Variants in LRRC9 observed in about 807,000 individuals in gnomAD.
The protein encoded by LRRC9 is leucine-rich repeat-containing protein 9.
A neutral mutation model predicts 63.2 loss-of-function variants in LRRC9; 122 were observed. That is an observed-to-expected ratio of 1.93 (90% CI 1.67 to 2.24). LRRC9 has a LOEUF of 2.24. LRRC9 is among the 30% of genes most tolerant of loss of function. The pLI is 0.00. For missense variants in LRRC9, 1,071 were observed against 627.7 expected (o/e 1.71, Z -7.55); for synonymous variants, 366 against 213.1 (o/e 1.72, Z -6.25).
At chr14:60,047,677 A>T (rs1436878127) in intron 29 of LRRC9, among the ~76,000 whole-genome samples, 2 of 152,122 alleles carry the variant, frequency 1.3e-5, no homozygotes, top group African/African-American at 2.4e-5. Flanking sequence ...AGAGACTTAG[A>T]CTCCCACACA....
At chr14:59,946,346 A>G (rs894007007) in intron 8 of LRRC9, among the ~76,000 whole-genome samples, 1 of 151,290 alleles carries the variant, frequency 6.6e-6, no homozygotes, top group African/African-American at 2.4e-5. Context: ...CATAAAAATC[A>G]CAAGAGATCA....
Position 60,053,250 on chromosome 14 carries a change from T to C in LRRC9, c.4131+45T>C. On this transcript the variant is annotated intron_variant, in intron 30 of 31. Transcript: ENST00000445360. This position sits in a 1 kb window ranked among gnomAD's most constrained non-coding sequence, Gnocchi z 4.8. The stretch of plus-strand genomic sequence containing the variant: ...CAATTTTCCTTTTGAAGCACATTAA[T>C]GGTTAGTAAATGAACATTATATCTT... 1.5e-6 allele frequency: 1 copy of C among 667,278 alleles called. No homozygotes were observed. The highest frequency in any genetic ancestry group is 1.8e-5 in the African/African-American group (1 of 56,072). The allele number at this position is 667,278 out of a possible 1,614,324, so 41.3% of individuals were successfully genotyped here.
At chr14:59,959,556 A>G (rs577653616) in intron 8 of LRRC9, among the ~76,000 whole-genome samples, 1 of 152,314 alleles carries the variant, frequency 6.6e-6, no homozygotes, top group South Asian at 2.1e-4. Flanking sequence ...CTTATTTTCA[A>G]TTGGGAGACT....
rs561020969 is a variant in LRRC9, at chr14:59,992,388, T to C, written c.2212-5268T>C. 1.6e-4 allele frequency among the ~76,000 whole-genome samples: 24 copies of C among 152,202 alleles called. No individual in the cohort carries two copies. In the East Asian group the frequency reaches 2.1e-3, roughly 13 times the overall value. ...AAAACAGAGCAGAAAAACTGGGAACTCTAAAAATCAGAGCGCCTCTTCTCG... is the reference window on the plus strand; with the variant it reads ...AAAACAGAGCAGAAAAACTGGGAACCCTAAAAATCAGAGCGCCTCTTCTCG... On this transcript the variant is annotated intron_variant, in intron 17 of 31. Transcript: ENST00000445360.
Position 60,027,822 on chromosome 14 carries a change from A to G in LRRC9, c.3704-62A>G. 1.8e-6 allele frequency: 1 copy of G among 570,086 alleles called. No individual in the cohort carries two copies. The highest frequency in any genetic ancestry group is 3.1e-6 in the Non-Finnish European group (1 of 320,998). 35.3% of individuals were successfully genotyped at this position (570,086 alleles called of 1,614,324 possible). A position where few individuals can be genotyped will look rare whatever the true frequency, so the allele number is the denominator to read the frequency against. On this transcript the variant is annotated intron_variant, in intron 27 of 31. Transcript: ENST00000445360. This position sits in a 1 kb window ranked among gnomAD's most constrained non-coding sequence, Gnocchi z 4.0. The stretch of plus-strand genomic sequence containing the variant: ...GATTAAAAAATATTTAAATGTAAGT[A>G]GATATCCTTTACTTCAGGAAGTTTG...
At position 59,931,251 on chromosome 14, in the gene LRRC9, A is replaced by G. The variant is rs1594808669; in HGVS notation, c.408+193A>G. 3.3e-5 allele frequency among the ~76,000 whole-genome samples: 5 copies of G among 151,940 alleles called. No homozygotes were observed. In the South Asian group the frequency reaches 1.0e-3, roughly 32 times the overall value. Reference sequence around the variant, plus strand: ...GGGCATTGTGTACATTACTTTCTTTACTCTTTACAAGGCTAAGAGGTAGGG... The same window carrying G: ...GGGCATTGTGTACATTACTTTCTTTGCTCTTTACAAGGCTAAGAGGTAGGG... On this transcript the variant is annotated intron_variant, in intron 4 of 31. Coordinates refer to ENST00000445360, the Ensembl canonical transcript of LRRC9.
chr14:60,026,139 G>C (rs1464929209), intron 27 of LRRC9, among the ~76,000 whole-genome samples: 1 of 152,036 alleles, frequency 6.6e-6, no homozygotes, highest in Non-Finnish European at 1.5e-5. Flanking sequence ...CATTATTTTA[G>C]AATGATCACA....
At chr14:60,000,722 G>A (rs960760084) in intron 19 of LRRC9, among the ~76,000 whole-genome samples, 1 of 152,038 alleles carries the variant, frequency 6.6e-6, no homozygotes, top group Non-Finnish European at 1.5e-5. Context: ...GAATAATTTA[G>A]TAGGCAAGAA....
intron 6 of LRRC9, among the ~76,000 whole-genome samples, chr14:59,933,433 G>A (rs969022089): frequency 6.6e-6 from 1 of 152,156 alleles, no homozygotes; most frequent in African/African-American, 2.4e-5. Context: ...GGGACTTAAT[G>A]TTTATCACAT....
intron 14 of LRRC9, 92 bp downstream of exon 14, chr14:59,977,439 A>C (rs1886412611): frequency 1.8e-6 from 1 of 552,216 alleles, no homozygotes. Flanking sequence ...ATTTCTACTT[A>C]ACAAAGTTTG....
intron 10 of LRRC9, among the ~76,000 whole-genome samples, chr14:59,961,592 A>G (rs1170158403): frequency 6.6e-6 from 1 of 152,142 alleles, no homozygotes; most frequent in African/African-American, 2.4e-5. Flanking sequence ...ACTACATGTT[A>G]GCATAAAGTA....
chr14:60,044,859 A>T (rs901181538), intron 29 of LRRC9, among the ~76,000 whole-genome samples: 1 of 152,070 alleles, frequency 6.6e-6, no homozygotes, highest in African/African-American at 2.4e-5. Context: ...TGTCTGGATG[A>T]TCTGTTCATG....
In LRRC9 at chr14:59,958,605, G is replaced by A. The variant is rs908932150; in HGVS notation, c.883-1213G>A. Among the ~76,000 whole-genome samples the A allele has an allele frequency of 9.9e-5, 15 of 152,170 alleles. No homozygotes were observed. Among genetic ancestry groups the A allele is most frequent in the African/African-American group, 2.9e-4 (12 of 41,436 alleles). On this transcript the variant is annotated intron_variant, in intron 8 of 31. Coordinates refer to ENST00000445360, the Ensembl canonical transcript of LRRC9. This position sits in a 1 kb window ranked among gnomAD's most constrained non-coding sequence, Gnocchi z 4.0. Reference sequence around the variant, plus strand: ...CTGAGCAAGACCACTTGGCTCCCTGGCTTCAGTCCGCTTTGCAGGGGAGTG... The same window carrying A: ...CTGAGCAAGACCACTTGGCTCCCTGACTTCAGTCCGCTTTGCAGGGGAGTG...
chr14:59,942,305 G>T lies in LRRC9; in HGVS notation c.727-2284G>T, dbSNP rs1470858057. Among the ~76,000 whole-genome samples the T allele has an allele frequency of 6.6e-6, 1 of 152,100 alleles. No individual in the cohort carries two copies. The highest frequency in any genetic ancestry group is 1.5e-5 in the Non-Finnish European group (1 of 68,018). On this transcript the variant is annotated intron_variant, in intron 7 of 31. Transcript: ENST00000445360. This position sits in a 1 kb window ranked among gnomAD's most constrained non-coding sequence, Gnocchi z 5.3. ...TTGTGAATAGTGCTGCAGTAAACGT[G>T]GGGGTGCAGGTATCCCTTTGATACA...
chr14:59,930,750 G>A lies in LRRC9; in HGVS notation c.268-168G>A, dbSNP rs1889632155. Among the ~76,000 whole-genome samples the A allele has an allele frequency of 6.6e-6, 1 of 151,432 alleles. No individual in the cohort carries two copies. Among genetic ancestry groups the A allele is most frequent in the Non-Finnish European group, 1.5e-5 (1 of 67,760 alleles). Reference sequence around the variant, plus strand: ...AAATTGAAAATAGTTGTATTTAAATGGAAAACATGGAATATATTTTTTTCT... The same window carrying A: ...AAATTGAAAATAGTTGTATTTAAATAGAAAACATGGAATATATTTTTTTCT... On this transcript the variant is annotated intron_variant, in intron 3 of 31. Transcript: ENST00000445360. The surrounding 1 kb of genome is among the most constrained non-coding windows in gnomAD (Gnocchi z 4.9).
At chr14:59,933,500 A>G (rs901978099) in intron 6 of LRRC9, among the ~76,000 whole-genome samples, 9 of 152,236 alleles carry the variant, frequency 5.9e-5, no homozygotes, top group Non-Finnish European at 1.3e-4. Context: ...TTGAAGGTGC[A>G]TATTCAAACA....
chr14:59,999,020 T>C lies in LRRC9; in HGVS notation c.2404-81T>C, dbSNP rs573891115. 6.0e-5 allele frequency: 32 copies of C among 536,352 alleles called. No homozygotes were observed. The South Asian group carries it at 6.6e-4, about 11-fold the overall frequency. 33.2% of individuals were successfully genotyped at this position (536,352 alleles called of 1,614,324 possible). ...AGGAAATGTATGATTTTGAATTATA[T>C]GGAAAGACATGAAAACAGTCATTTT... On this transcript the variant is annotated intron_variant, in intron 18 of 31. Coordinates refer to ENST00000445360, the Ensembl canonical transcript of LRRC9.
At chr14:60,039,749 G>A (rs1429467344) in intron 29 of LRRC9, among the ~76,000 whole-genome samples, 3 of 151,868 alleles carry the variant, frequency 2.0e-5, no homozygotes, top group Admixed American at 1.3e-4. Flanking sequence ...AGGGTTTTTT[G>A]TGTCTCTATC....
chr14:59,952,354 C>A (rs1027829515), intron 8 of LRRC9, among the ~76,000 whole-genome samples: 1 of 152,192 alleles, frequency 6.6e-6, no homozygotes, highest in Non-Finnish European at 1.5e-5. Flanking sequence ...CGCCTTGCTT[C>A]GGCTCGCGCA....
Sources: gnomAD v4.1 joint callset for allele counts (sites outside exome capture counted in the v4.1 genomes callset) on GRCh38, gnomAD v4.1.1 for gene constraint, Gnocchi (gnomAD v3.1) non-coding constraint, MANE v1.5 for transcripts, NCBI Gene and HGNC (gene_info 2026-07-23, HGNC 2026-07-21) for gene names.